TAB1: variants seen among roughly 807,000 people sequenced by gnomAD.
TAB1 encodes TGF-beta-activated kinase 1 and MAP3K7-binding protein 1.
Under a neutral mutation model 54.5 loss-of-function variants are expected in TAB1, and 30 were observed. The observed-to-expected ratio is 0.55, with a 90% CI of 0.41 to 0.75. The LOEUF (loss-of-function observed/expected upper bound fraction) is 0.75. Ranked by LOEUF, TAB1 falls within the 30% of genes least tolerant of loss-of-function variation. The pLI is 0.00. For missense variants in TAB1, 609 were observed against 683.2 expected, an observed-to-expected ratio of 0.89 and a Z score of 1.21; for synonymous variants, 289 against 286.9, an observed-to-expected ratio of 1.01 and a Z score of -0.07.
At chr22:39,409,130 C>T (rs1926503387) in intron 1 of TAB1, among the ~76,000 whole-genome samples, 1 of 152,162 alleles carries the variant, frequency 6.6e-6, no homozygotes, top group Admixed American at 6.5e-5. Context: ...ACCTGTGGCA[C>T]TTTGGGGTGC....
In TAB1 at chr22:39,417,765, A is replaced by G; in HGVS notation, c.466A>G (p.Lys156Glu). 3 of 1,613,390 alleles carry G rather than the reference A, an allele frequency of 1.9e-6. No individual in the cohort carries two copies. Among genetic ancestry groups the G allele is most frequent in the Non-Finnish European group, 2.5e-6 (3 of 1,179,686 alleles). Residue 156 changes from lysine to glutamate, a missense_variant, in exon 5 of 11, where the codon AAG (lysine) becomes GAG (glutamate). By Grantham distance (56) the Lys-to-Glu change is moderately conservative. Coordinates refer to ENST00000216160, the MANE Select transcript of TAB1 (RefSeq NM_006116.3). ...GTATCAGAAGATCCTTGAGAGACTC[A>G]AGACGTTAGAGAGGGAAATTTCGGG... The part of the protein sequence containing the change: ...PQYQKILERL[K>E]TLEREISGGA...
intron 7 of TAB1, among the ~76,000 whole-genome samples, chr22:39,419,990 C>T (rs906516874): frequency 6.6e-5 from 10 of 152,114 alleles, no homozygotes; most frequent in Non-Finnish European, 1.3e-4. Flanking sequence ...AAGCTGAGGG[C>T]AGCAACTAGT....
chr22:39,430,499 A>G lies in TAB1; in HGVS notation c.*277A>G. 1 of 1,336,048 alleles carries G rather than the reference A, an allele frequency of 7.5e-7. No individual in the cohort carries two copies. The highest frequency in any genetic ancestry group is 9.6e-7 in the Non-Finnish European group (1 of 1,036,536). 82.8% of individuals were successfully genotyped at this position (1,336,048 alleles called of 1,614,324 possible). On this transcript the variant is annotated 3_prime_UTR_variant, in exon 11 of 11. Coordinates refer to ENST00000216160, the MANE Select transcript of TAB1 (RefSeq NM_006116.3). The stretch of plus-strand genomic sequence containing the variant: ...TCTCAGAGCAGAGGGCCAGGTATAG[A>G]AACCGCAGTGGGCCTGCAAGCCGCC...
chr22:39,418,520 T>G (rs1449824329), intron 5 of TAB1, among the ~76,000 whole-genome samples: 1 of 152,204 alleles, frequency 6.6e-6, no homozygotes, highest in East Asian at 1.9e-4. Context: ...ATTAAGATCA[T>G]AATCCTATGA....
At chr22:39,433,795 G>A (rs1927677726), downstream of TAB1, 8 of 985,454 alleles carry the variant, frequency 8.1e-6, no homozygotes, top group Non-Finnish European at 9.6e-6. Flanking sequence ...GCACCCGATT[G>A]TGTTGTTTGC....
rs566248298 is a variant in TAB1 at position 39,401,034 on chromosome 22, C to CAAA, written c.33+1219_33+1221dup. Among the ~76,000 whole-genome samples, 409 of 45,460 alleles carry CAAA rather than the reference C, an allele frequency of 9.0e-3. 17 individuals carry two copies. Among genetic ancestry groups the CAAA allele is most frequent in the African/African-American group, 0.026 (363 of 13,924 alleles). The allele number at this position is 45,460 out of a possible 152,430, so 29.8% of individuals were successfully genotyped here. A position where few individuals can be genotyped will look rare whatever the true frequency, so the allele number is the denominator to read the frequency against. On this transcript the variant is annotated intron_variant, in intron 1 of 10. Transcript: ENST00000216160. Reference sequence around the variant, plus strand: ...GGAGCGACAGAGCGAGACTGTGTCTCAAAAAAAAAAAAAAAAAAAAAACGA... The same window carrying CAAA: ...GGAGCGACAGAGCGAGACTGTGTCTCAAAAAAAAAAAAAAAAAAAAAAAAACGA...
At chr22:39,421,591 T>A in intron 7 of TAB1, 2 of 545,408 alleles carry the variant, frequency 3.7e-6, no homozygotes, top group Non-Finnish European at 3.2e-6. Flanking sequence ...ATTCAACCTT[T>A]GCCATCCTGA....
At chr22:39,436,481 G>C, downstream of TAB1, 1 of 1,611,720 alleles carries the variant, frequency 6.2e-7, no homozygotes, top group Non-Finnish European at 8.5e-7. Context: ...GTTTCCTCCT[G>C]ATTTTCAGAG....
intron 7 of TAB1, among the ~76,000 whole-genome samples, chr22:39,420,495 G>A (rs1315330698): frequency 6.6e-6 from 1 of 152,224 alleles, no homozygotes; most frequent in East Asian, 1.9e-4. Flanking sequence ...CCCATCAACA[G>A]AGGCCTCATG....
chr22:39,419,618 T>C lies in TAB1; in HGVS notation c.764T>C (p.Ile255Thr), dbSNP rs766619778. 3 of 1,609,538 alleles carry C rather than the reference T, an allele frequency of 1.9e-6. No individual in the cohort carries two copies. The highest frequency in any genetic ancestry group is 1.7e-5 in the Admixed American group (1 of 59,774). ...AAGGTTAAATATGGCTACACGGACA[T>C]TGACCTTCTCAGGTAGGTGCCAGCC... ...DYKVKYGYTD[I>T]DLLSAAKSKP... Residue 255 changes from isoleucine to threonine, a missense_variant, in exon 7 of 11, where the codon ATT becomes ACT. By Grantham distance (89) the Ile-to-Thr change is moderately conservative (BLOSUM62 -1). Transcript: ENST00000216160.
Position 39,425,364 on chromosome 22 carries a change from C to T in TAB1, c.922-1339C>T, listed in dbSNP as rs899101249. ...CAGCACTGCACTCCAGCCTGGTCAA[C>T]ACAGTGAGACTCTGTCTCAAAAAAA... On this transcript the variant is annotated intron_variant, in intron 8 of 10. Transcript: ENST00000216160. Among the ~76,000 whole-genome samples, 8 of 151,236 alleles carry T rather than the reference C, an allele frequency of 5.3e-5. No individual in the cohort carries two copies. The East Asian group carries it at 1.6e-3, about 29-fold the overall frequency.
intron 4 of TAB1, 127 bp from the exon 5 acceptor site, chr22:39,417,584 G>T (rs1340316031): frequency 4.3e-6 from 4 of 929,186 alleles, no homozygotes; most frequent in Non-Finnish European, 6.2e-6. Context: ...TCATGCCACT[G>T]CACTGTAGCC....
chr22:39,419,651 C>T (rs764787439), intron 7 of TAB1, 21 bp downstream of exon 7: 4 of 1,556,982 alleles, frequency 2.6e-6, no homozygotes, highest in Non-Finnish European at 2.6e-6. Context: ...GCCCAGCTGT[C>T]CCCTGTGCTT....
chr22:39,415,208 C>G lies in TAB1; in HGVS notation c.170+66C>G. The G allele has an allele frequency of 1.6e-5, 25 of 1,516,076 alleles. No homozygotes were observed. Among genetic ancestry groups the G allele is most frequent in the Non-Finnish European group, 2.1e-5 (24 of 1,127,732 alleles). The allele number at this position is 1,516,076 out of a possible 1,614,324, so 93.9% of individuals were successfully genotyped here. ...GTTGGTTTGCAAGCAAGGAAAGACACCGACCTTGCAGCTTTCTCGTATGGG... is the reference window on the plus strand; with the variant it reads ...GTTGGTTTGCAAGCAAGGAAAGACAGCGACCTTGCAGCTTTCTCGTATGGG... On this transcript the variant is annotated intron_variant, in intron 2 of 10. Coordinates refer to ENST00000216160, the MANE Select transcript of TAB1 (RefSeq NM_006116.3). The surrounding 1 kb of genome is among the most constrained non-coding windows in gnomAD (Gnocchi z 4.9).
intron 5 of TAB1, 33 bp downstream of exon 5, chr22:39,417,882 C>G: frequency 6.3e-7 from 1 of 1,576,862 alleles, no homozygotes; most frequent in Non-Finnish European, 8.6e-7. Flanking sequence ...GCAGGGAGGA[C>G]TGGGGAGAGG....
intron 5 of TAB1, 125 bp downstream of exon 5, chr22:39,417,974 C>A: frequency 7.9e-7 from 1 of 1,263,294 alleles, no homozygotes; most frequent in Non-Finnish European, 1.1e-6. Context: ...CTCCTGAGAC[C>A]GTTGGGTATG....
intron 8 of TAB1, among the ~76,000 whole-genome samples, chr22:39,422,692 C>T (rs868281597): frequency 1.3e-5 from 2 of 152,230 alleles, no homozygotes; most frequent in South Asian, 2.1e-4. Context: ...CCACCGCGCC[C>T]GGCAGTTCAC....
chr22:39,430,375 G>A lies in TAB1; in HGVS notation c.*153G>A, dbSNP rs1305270542. 8 of 1,471,898 alleles carry A rather than the reference G, an allele frequency of 5.4e-6. No individual in the cohort carries two copies. Among genetic ancestry groups the A allele is most frequent in the Middle Eastern group, 2.4e-4 (1 of 4,102 alleles). The allele number at this position is 1,471,898 out of a possible 1,614,324, so 91.2% of individuals were successfully genotyped here. On this transcript the variant is annotated 3_prime_UTR_variant, in exon 11 of 11. Transcript: ENST00000216160. ...CCCATGGCTCTCCGGGCAGTAGAGT[G>A]TGTGAGTGCAGACTGGACCTGTGGT...
At chr22:39,410,604 C>T (rs1408173351) in intron 1 of TAB1, among the ~76,000 whole-genome samples, 1 of 149,878 alleles carries the variant, frequency 6.7e-6, no homozygotes, top group Non-Finnish European at 1.5e-5. Context: ...TTTGGTTATA[C>T]TGTCTATTTT....
Sources: allele counts gnomAD v4.1 joint callset (sites outside exome capture counted in the v4.1 genomes callset), GRCh38; gene constraint gnomAD v4.1.1; non-coding constraint Gnocchi (gnomAD v3.1); transcripts MANE v1.5; gene names NCBI Gene and HGNC (gene_info 2026-07-23, HGNC 2026-07-21).